The following CNTN5 variants were observed in gnomAD, a reference collection of about 807,000 sequenced individuals.
The protein encoded by CNTN5 is contactin 5, also known as contactin-5.
CNTN5 carries 77 observed loss-of-function variants against 129.1 expected under a neutral mutation model. The ratio of observed to expected loss-of-function variants is 0.60; its 90% CI spans 0.50 to 0.72. The LOEUF (loss-of-function observed/expected upper bound fraction) is 0.72. CNTN5 is among the 30% of genes least tolerant of loss of function. The probability of loss-of-function intolerance (pLI) is 0.00; values close to 1 mark genes in which losing one functional copy is unlikely to be tolerated. For missense variants in CNTN5, 1,478 were observed against 1,328.8 expected (o/e 1.11, Z -1.75); for synonymous variants, 509 against 465.6 (o/e 1.09, Z -1.20).
chr11:99,450,194 A>G (rs1244414116), intron 2 of CNTN5, among the ~76,000 whole-genome samples: 1 of 151,782 alleles, frequency 6.6e-6, no homozygotes, highest in Non-Finnish European at 1.5e-5. Flanking sequence ...TTTTTCAGTA[A>G]TATTTGAAGA....
At chr11:99,080,868 C>T (rs1318303802) in intron 1 of CNTN5, among the ~76,000 whole-genome samples, 3 of 151,886 alleles carry the variant, frequency 2.0e-5, no homozygotes, top group East Asian at 1.9e-4. Context: ...GCATTTTAGA[C>T]AACGTGCATA....
intron 1 of CNTN5, among the ~76,000 whole-genome samples, chr11:99,312,236 C>A (rs1338484613): frequency 6.6e-6 from 1 of 152,110 alleles, no homozygotes; most frequent in East Asian, 1.9e-4. Flanking sequence ...TCAAATATTG[C>A]AGTGGAGTGG....
chr11:100,183,803 G>A (rs1409257268), intron 13 of CNTN5, among the ~76,000 whole-genome samples: 1 of 152,118 alleles, frequency 6.6e-6, no homozygotes, highest in Non-Finnish European at 1.5e-5. Context: ...GTTGAAAAAT[G>A]TTAATAGCTT....
At chr11:99,538,399 A>G (rs1947978562) in intron 2 of CNTN5, among the ~76,000 whole-genome samples, 3 of 152,152 alleles carry the variant, frequency 2.0e-5, no homozygotes, top group African/African-American at 7.2e-5. Context: ...TGTTAGCATT[A>G]TATCTTTCTG....
chr11:99,030,905 C>T (rs1355863276), intron 1 of CNTN5, among the ~76,000 whole-genome samples: 1 of 151,820 alleles, frequency 6.6e-6, no homozygotes, highest in South Asian at 2.1e-4. Flanking sequence ...CTCAGCCTCC[C>T]GAGTAGCTGC....
chr11:99,574,537 T>A (rs1000883233), intron 3 of CNTN5, among the ~76,000 whole-genome samples: 1 of 152,194 alleles, frequency 6.6e-6, no homozygotes, highest in African/African-American at 2.4e-5. Context: ...TATAAAAACT[T>A]TTCCTTATTT....
chr11:99,424,415 G>A (rs910367063), intron 2 of CNTN5, among the ~76,000 whole-genome samples: 1 of 152,214 alleles, frequency 6.6e-6, no homozygotes, highest in African/African-American at 2.4e-5. Context: ...CATGCTGCCG[G>A]CCTCAACCTC....
intron 2 of CNTN5, among the ~76,000 whole-genome samples, chr11:99,493,611 G>A (rs1210822559): frequency 6.6e-6 from 1 of 151,974 alleles, no homozygotes; most frequent in African/African-American, 2.4e-5. Context: ...TTCTAGTGCA[G>A]GTTCAAAAAA....
chr11:100,291,637 A>G lies in CNTN5; in HGVS notation c.2315-5988A>G, dbSNP rs562540736. Among the ~76,000 whole-genome samples the G allele has an allele frequency of 5.0e-3, 754 of 151,900 alleles. 10 individuals are homozygous for G. Among genetic ancestry groups the G allele is most frequent in the African/African-American group, 0.017 (706 of 41,466 alleles). On this transcript the variant is annotated intron_variant, in intron 18 of 24. Transcript: ENST00000524871. ...GAAGGGGGAGGGATAGCATTGGGAG[A>G]TATACCTAATGCTAGATGACGAGTT... is the stretch of plus-strand genomic sequence containing the variant.
chr11:99,935,935 G>A (rs1950307073), intron 7 of CNTN5, among the ~76,000 whole-genome samples: 1 of 152,054 alleles, frequency 6.6e-6, no homozygotes, highest in Admixed American at 6.5e-5. Flanking sequence ...TACCATGCTG[G>A]AATTCAGTTC....
chr11:99,187,813 AT>A (rs2135582902), intron 1 of CNTN5, among the ~76,000 whole-genome samples: 1 of 151,864 alleles, frequency 6.6e-6, no homozygotes, highest in East Asian at 1.9e-4. Flanking sequence ...CCTTAATTTT[AT>A]TTATAATTAT....
chr11:99,798,821 A>G (rs1946028336), intron 3 of CNTN5, among the ~76,000 whole-genome samples: 1 of 152,108 alleles, frequency 6.6e-6, no homozygotes, highest in Admixed American at 6.5e-5. Flanking sequence ...GTACGTTCGT[A>G]GGAATAGCAT....
intron 2 of CNTN5, among the ~76,000 whole-genome samples, chr11:99,529,441 T>C (rs1025629567): frequency 4.6e-5 from 7 of 152,230 alleles, no homozygotes; most frequent in Non-Finnish European, 4.4e-5. Context: ...ACAGTTACAC[T>C]TAACATGAAA....
chr11:99,564,317 G>A, intron 3 of CNTN5, among the ~76,000 whole-genome samples: 1 of 151,812 alleles, frequency 6.6e-6, no homozygotes, highest in Admixed American at 6.6e-5. Context: ...TGAATTCCTG[G>A]CCTCAAGCGA....
intron 3 of CNTN5, among the ~76,000 whole-genome samples, chr11:99,797,456 T>G (rs963439143): frequency 2.0e-5 from 3 of 152,184 alleles, no homozygotes; most frequent in African/African-American, 7.2e-5. Context: ...TTTTTGAATC[T>G]GTAATAACTG....
At chr11:100,288,005 CAAAG>C (rs1254830786) in intron 18 of CNTN5, among the ~76,000 whole-genome samples, 7 of 151,870 alleles carry the variant, frequency 4.6e-5, no homozygotes, top group African/African-American at 1.7e-4. Context: ...TCAAAAGAGA[CAAAG>C]AAGGCCATTA....
At chr11:99,956,500 T>G (rs956497431) in intron 7 of CNTN5, among the ~76,000 whole-genome samples, 2 of 152,092 alleles carry the variant, frequency 1.3e-5, no homozygotes, top group African/African-American at 2.4e-5. Context: ...AATGGAAAAT[T>G]GTCTCTTACC....
rs1047426205 is a variant in CNTN5, at chr11:100,209,240, A to G, written c.1885-15452A>G. Among the ~76,000 whole-genome samples the G allele has an allele frequency of 4.6e-5, 7 of 152,324 alleles. No individual in the cohort carries two copies. In the East Asian group the frequency reaches 1.3e-3, roughly 29 times the overall value. On this transcript the variant is annotated intron_variant, in intron 15 of 24. Coordinates refer to ENST00000524871, the MANE Select transcript of CNTN5 (RefSeq NM_014361.4). ...GATACTAAACTAAAATTTAGATTTT[A>G]TGTGTGGTGTGATGTGGAGGAGAGA...
intron 3 of CNTN5, among the ~76,000 whole-genome samples, chr11:99,747,229 G>T (rs1944082154): frequency 6.6e-6 from 1 of 152,036 alleles, no homozygotes; most frequent in African/African-American, 2.4e-5. Flanking sequence ...TGTTGTTAGT[G>T]TATAGAAGTA....
Sources: gnomAD v4.1 joint callset for allele counts (sites outside exome capture counted in the v4.1 genomes callset) on GRCh38, gnomAD v4.1.1 for gene constraint, MANE v1.5 for transcripts, NCBI Gene and HGNC (gene_info 2026-07-23, HGNC 2026-07-21) for gene names.